Variants in RNF141 observed in about 807,000 individuals in gnomAD.
RNF141 encodes ring finger protein 141.
A neutral mutation model predicts 27.4 loss-of-function variants in RNF141; 18 were observed. That is an observed-to-expected ratio of 0.66 (90% CI 0.45 to 0.97). The LOEUF is 0.97. Among genes scored for constraint, RNF141 ranks in the 50% least tolerant of loss-of-function variants. The pLI is 0.00. For missense variants in RNF141, 230 were observed against 279.4 expected (o/e 0.82, Z 1.26); for synonymous variants, 97 against 96.6 (o/e 1.00, Z -0.02).
At position 10,514,889 on chromosome 11, in the gene RNF141, T is replaced by C; in HGVS notation, c.*27A>G. On this transcript the variant is annotated 3_prime_UTR_variant, in exon 6 of 6. Transcript: ENST00000265981. ...CATGACCAAATATTTGAGCCCACAA[T>C]AGCAACAGAAGACTTTCACTTCAAG... is the stretch of plus-strand genomic sequence containing the variant. 2 of 1,586,448 alleles carry C rather than the reference T, an allele frequency of 1.3e-6. No individual in the cohort carries two copies. Among genetic ancestry groups the C allele is most frequent in the Non-Finnish European group, 1.7e-6 (2 of 1,165,430 alleles).
At chr11:10,522,204 G>C (rs1455311566) in intron 4 of RNF141, among the ~76,000 whole-genome samples, 1 of 152,220 alleles carries the variant, frequency 6.6e-6, no homozygotes, top group Non-Finnish European at 1.5e-5. Flanking sequence ...AGATGGATAT[G>C]GGTCTAATGT....
Position 10,512,322 on chromosome 11 carries a change from C to G in RNF141, c.*2594G>C, listed in dbSNP as rs1448725963. ...ACATTCACATCTAAATAATTATCAC[C>G]CAGTTCAATAGAGCGAACAAAGAGC... On this transcript the variant is annotated 3_prime_UTR_variant, in exon 6 of 6. Transcript: ENST00000265981. 6.6e-6 allele frequency: 1 copy of G among 152,554 alleles called. No individual in the cohort carries two copies. Among genetic ancestry groups the G allele is most frequent in the South Asian group, 2.1e-4 (1 of 4,826 alleles). 9.5% of individuals were successfully genotyped at this position (152,554 alleles called of 1,614,324 possible).
rs61751345 is a variant in RNF141 at position 10,530,666 on chromosome 11, C to T, written c.229G>A (p.Val77Ile). The T allele has an allele frequency of 3.9e-4, 635 of 1,610,392 alleles. 3 individuals carry two copies. The East Asian group carries it at 0.011, about 28-fold the overall frequency. Residue 77 changes from valine to isoleucine, a missense_variant, in exon 3 of 6, where the codon GTT becomes ATT. Coordinates refer to ENST00000265981, the MANE Select transcript of RNF141 (RefSeq NM_016422.4). ...GSDSSAFWKVVVRVVCTKINK... is the reference protein window; with the variant it reads ...GSDSSAFWKVIVRVVCTKINK... Reference sequence around the variant, plus strand: ...ACCTTGGTACAGACCACCCGTACAACCACTTTCCAAAAAGCAGAGGAATCA... The same window carrying T: ...ACCTTGGTACAGACCACCCGTACAATCACTTTCCAAAAAGCAGAGGAATCA...
At chr11:10,528,724 T>C (rs1007235564) in intron 3 of RNF141, among the ~76,000 whole-genome samples, 2 of 152,206 alleles carry the variant, frequency 1.3e-5, no homozygotes, top group Admixed American at 1.3e-4. Context: ...CCCAGTCATT[T>C]AAAAAGAGAG....
intron 1 of RNF141, among the ~76,000 whole-genome samples, chr11:10,539,326 A>C (rs988616623): frequency 1.3e-5 from 2 of 152,164 alleles, no homozygotes; most frequent in African/African-American, 4.8e-5. Flanking sequence ...AAAATGCACC[A>C]AAATGACTAA....
chr11:10,515,232 G>A, intron 5 of RNF141, 166 bp from the exon 6 acceptor site: 4 of 739,000 alleles, frequency 5.4e-6, no homozygotes, highest in Non-Finnish European at 6.3e-6. Context: ...TCTTTCCCAG[G>A]GGCAACCACA....
At chr11:10,516,209 T>A (rs1224411150) in intron 5 of RNF141, 1 of 152,362 alleles carries the variant, frequency 6.6e-6, no homozygotes, top group Non-Finnish European at 1.5e-5. Context: ...TGCTCTTCTG[T>A]GCACAAAACA....
At chr11:10,522,060 C>T (rs1459136392) in intron 4 of RNF141, among the ~76,000 whole-genome samples, 2 of 152,136 alleles carry the variant, frequency 1.3e-5, no homozygotes, top group Non-Finnish European at 2.9e-5. Context: ...AGCAATTCAT[C>T]TGAGAGATAA....
intron 4 of RNF141, among the ~76,000 whole-genome samples, chr11:10,522,219 G>A (rs1849893343): frequency 6.6e-6 from 1 of 152,246 alleles, no homozygotes; most frequent in South Asian, 2.1e-4. Flanking sequence ...TAATGTATCT[G>A]AGTTTCTCAG....
intron 3 of RNF141, among the ~76,000 whole-genome samples, chr11:10,526,776 C>T (rs1186347562): frequency 2.8e-5 from 4 of 145,308 alleles, no homozygotes; most frequent in Non-Finnish European, 3.0e-5. Context: ...AGCAAGACTA[C>T]GTCTCAAAAA....
chr11:10,526,902 A>G (rs1316493647), intron 3 of RNF141, among the ~76,000 whole-genome samples: 3 of 152,250 alleles, frequency 2.0e-5, no homozygotes, highest in Non-Finnish European at 4.4e-5. Flanking sequence ...CAAATATACA[A>G]GGTTCTTTGT....
At chr11:10,538,495 C>T (rs1850056996) in intron 1 of RNF141, among the ~76,000 whole-genome samples, 1 of 152,204 alleles carries the variant, frequency 6.6e-6, no homozygotes, top group East Asian at 1.9e-4. Flanking sequence ...CACAGCTTTT[C>T]AGTGTCCCTC....
intron 3 of RNF141, among the ~76,000 whole-genome samples, chr11:10,529,960 G>A (rs1033574481): frequency 3.3e-5 from 5 of 152,094 alleles, no homozygotes; most frequent in African/African-American, 7.2e-5. Context: ...AATCTTTATG[G>A]GTCAGTCGGG....
At chr11:10,537,092 A>G (rs530648475) in intron 1 of RNF141, among the ~76,000 whole-genome samples, 2 of 152,380 alleles carry the variant, frequency 1.3e-5, no homozygotes, top group South Asian at 4.1e-4. Flanking sequence ...TCATTTACAG[A>G]GAATGGGATG....
rs1305133571 is a variant in RNF141, at chr11:10,512,451, A to G, written c.*2465T>C. On this transcript the variant is annotated 3_prime_UTR_variant, in exon 6 of 6. Coordinates refer to ENST00000265981, the MANE Select transcript of RNF141 (RefSeq NM_016422.4). ...TGTAAAATAAAAAGGTTTGGGCCCT[A>G]TTGAGTCACTGGGCTCATTGTTAAA... 1 of 152,618 alleles carries G rather than the reference A, an allele frequency of 6.6e-6. No individual in the cohort carries two copies. The highest frequency in any genetic ancestry group is 2.4e-5 in the African/African-American group (1 of 41,448). The allele number at this position is 152,618 out of a possible 1,614,324, so 9.5% of individuals were successfully genotyped here.
Position 10,519,283 on chromosome 11 carries a change from AATTAAT to A in RNF141, c.435-148_435-143del, listed in dbSNP as rs1472365827. ...TGACTCATGTGCAAAATCAGACTAA[AATTAAT>A]ATTATCTTTTAGGGATAGCAAATAT... On this transcript the variant is annotated intron_variant, in intron 4 of 5. Transcript: ENST00000265981. 8 of 526,556 alleles carry A rather than the reference AATTAAT, an allele frequency of 1.5e-5. No individual in the cohort carries two copies. In the African/African-American group the frequency reaches 1.6e-4, roughly 10 times the overall value. 32.6% of individuals were successfully genotyped at this position (526,556 alleles called of 1,614,324 possible).
intron 4 of RNF141, among the ~76,000 whole-genome samples, chr11:10,522,966 G>C (rs772538609): frequency 2.0e-5 from 3 of 152,188 alleles, no homozygotes; most frequent in Admixed American, 6.5e-5. Flanking sequence ...AGTCTGTGCC[G>C]TGCTGCCTCA....
rs116933651 is a variant in RNF141, at chr11:10,538,536, A to G, written c.-48+2586T>C. Among the ~76,000 whole-genome samples, 538 of 152,302 alleles carry G rather than the reference A, an allele frequency of 3.5e-3. 3 individuals are homozygous for G. Among genetic ancestry groups the G allele is most frequent in the Non-Finnish European group, 6.1e-3 (412 of 68,022 alleles). ...TGACTGCACATATTTCTATCATACTATGACATTCGTTAAGTCACTTGGCCA... is the reference window on the plus strand; with the variant it reads ...TGACTGCACATATTTCTATCATACTGTGACATTCGTTAAGTCACTTGGCCA... On this transcript the variant is annotated intron_variant, in intron 1 of 5. Transcript: ENST00000265981.
In RNF141 at chr11:10,530,683, G is replaced by C. The variant is rs1201533560; in HGVS notation, c.212C>G (p.Ser71Cys). Residue 71 changes from serine (S) to cysteine (C), a missense_variant, in exon 3 of 6, where the codon TCT (serine) becomes TGT (cysteine). Coordinates refer to ENST00000265981, the MANE Select transcript of RNF141 (RefSeq NM_016422.4). Reference protein sequence around the residue: ...LFEVQPGSDSSAFWKVVVRVV... With the variant: ...LFEVQPGSDSCAFWKVVVRVV... ...CCGTACAACCACTTTCCAAAAAGCA[G>C]AGGAATCAGACCCAGGTTGTACCTC... is the stretch of plus-strand genomic sequence containing the variant. The C allele has an allele frequency of 6.2e-7, 1 of 1,611,872 alleles. No homozygotes were observed. The highest frequency in any genetic ancestry group is 1.7e-5 in the Admixed American group (1 of 59,838).
Sources: gnomAD v4.1 joint callset for allele counts (sites outside exome capture counted in the v4.1 genomes callset) on GRCh38, gnomAD v4.1.1 for gene constraint, MANE v1.5 for transcripts, NCBI Gene and HGNC (gene_info 2026-07-23, HGNC 2026-07-21) for gene names.